GDA: variants seen among roughly 807,000 people sequenced by gnomAD.
The protein encoded by GDA is guanine deaminase.
In GDA, 18 loss-of-function variants were observed where a neutral mutation model predicts 59.6. The observed-to-expected ratio is 0.30, with a 90% CI of 0.21 to 0.45. The LOEUF (loss-of-function observed/expected upper bound fraction) is 0.45. GDA is among the 20% of genes least tolerant of loss of function. The probability of loss-of-function intolerance (pLI) is 1.00; values close to 1 mark genes in which losing one functional copy is unlikely to be tolerated. For synonymous variants in GDA, 201 were observed against 201.1 expected (o/e 1.00, Z 0.00); for missense variants, 427 against 552.3 (o/e 0.77, Z 2.27).
chr9:72,140,175 G>T (rs1266585203), intron 1 of GDA, among the ~76,000 whole-genome samples: 1 of 152,218 alleles, frequency 6.6e-6, no homozygotes, highest in African/African-American at 2.4e-5. Flanking sequence ...TGTTGTTAGG[G>T]CTGGGCATAT....
At chr9:72,213,541 C>T (rs184393076) in intron 4 of GDA, among the ~76,000 whole-genome samples, 22 of 152,110 alleles carry the variant, frequency 1.4e-4, no homozygotes, top group South Asian at 1.0e-3. Context: ...CGGTGGCTCA[C>T]GCCTGTAATC....
intron 2 of GDA, among the ~76,000 whole-genome samples, chr9:72,196,423 G>T (rs1253936636): frequency 1.3e-5 from 2 of 151,078 alleles, no homozygotes; most frequent in African/African-American, 4.9e-5. Flanking sequence ...GGGGGCAGAG[G>T]TTGCAGTGAG....
rs556682201 is a variant in GDA at position 72,231,314 on chromosome 9, C to T, written c.988+133C>T. ...GTTTTGGGCCGGGCACGGTAGCTCA[C>T]GTCTGTAATCCCAGCACTTTGGGAG... On this transcript the variant is annotated intron_variant, in intron 10 of 13. Transcript: ENST00000358399. 2.1e-4 allele frequency: 124 copies of T among 577,804 alleles called. 1 individual carries two copies. In the South Asian group the frequency reaches 2.3e-3, roughly 11 times the overall value. The allele number at this position is 577,804 out of a possible 1,614,324, so 35.8% of individuals were successfully genotyped here.
At chr9:72,115,678 G>A (rs1825412575) in intron 1 of GDA, among the ~76,000 whole-genome samples, 1 of 152,180 alleles carries the variant, frequency 6.6e-6, no homozygotes, top group Non-Finnish European at 1.5e-5. Context: ...TATTGGTTAA[G>A]ATCCCTAACT....
At chr9:72,138,411 T>C (rs552947738) in intron 1 of GDA, among the ~76,000 whole-genome samples, 1 of 152,316 alleles carries the variant, frequency 6.6e-6, no homozygotes, top group African/African-American at 2.4e-5. Flanking sequence ...GCAGAACCGC[T>C]CTTAGTTGAA....
intron 1 of GDA, among the ~76,000 whole-genome samples, chr9:72,153,711 G>A (rs1409950176): frequency 1.3e-5 from 2 of 150,700 alleles, no homozygotes; most frequent in Non-Finnish European, 2.9e-5. Flanking sequence ...ACTGTCGCAA[G>A]GACAAAAAAC....
At position 72,142,090 on chromosome 9, in the gene GDA, A is replaced by G. The variant is rs1036271325; in HGVS notation, c.-100+27257A>G. On this transcript the variant is annotated intron_variant, in intron 1 of 13. Coordinates refer to the GDA transcript ENST00000545168. ...AGATAGGTTGCATGGGCTAAGTAAA[A>G]TGTTAGACCTGCATTTGATTTGAAT... 2.0e-5 allele frequency among the ~76,000 whole-genome samples: 3 copies of G among 152,178 alleles called. No individual in the cohort carries two copies. In the South Asian group the frequency reaches 6.2e-4, roughly 32 times the overall value.
intron 10 of GDA, among the ~76,000 whole-genome samples, chr9:72,235,323 A>G (rs866503231): frequency 1.4e-4 from 21 of 152,202 alleles, no homozygotes; most frequent in South Asian, 6.2e-4. Flanking sequence ...TTTTGGTTTT[A>G]TGCTTTCCTT....
chr9:72,143,665 C>T (rs1826522189), intron 1 of GDA, among the ~76,000 whole-genome samples: 1 of 152,130 alleles, frequency 6.6e-6, no homozygotes, highest in South Asian at 2.1e-4. Context: ...CTATAAAATT[C>T]AGGTAAAATG....
chr9:72,199,141 C>A (rs1485734572), intron 2 of GDA, among the ~76,000 whole-genome samples: 1 of 152,050 alleles, frequency 6.6e-6, no homozygotes, highest in Non-Finnish European at 1.5e-5. Flanking sequence ...GAGCCACCAA[C>A]AAATTGCAAG....
chr9:72,256,622 A>G (rs1478230821), downstream of GDA, among the ~76,000 whole-genome samples: 3 of 152,244 alleles, frequency 2.0e-5, no homozygotes, highest in Admixed American at 2.0e-4. Context: ...AGCATGAGCA[A>G]TAGCAGCTCA....
intron 10 of GDA, among the ~76,000 whole-genome samples, chr9:72,236,561 A>C (rs1839011672): frequency 6.6e-6 from 1 of 152,128 alleles, no homozygotes; most frequent in Non-Finnish European, 1.5e-5. Flanking sequence ...AGCAAAAACA[A>C]CAACAACAAA....
intron 10 of GDA, among the ~76,000 whole-genome samples, chr9:72,237,127 T>C (rs2131733287): frequency 6.6e-6 from 1 of 152,250 alleles, no homozygotes; most frequent in Admixed American, 6.5e-5. Context: ...CTGCTCCACC[T>C]GTCTGCCTCC....
intron 1 of GDA, among the ~76,000 whole-genome samples, chr9:72,174,396 A>G (rs776155024): frequency 1.3e-5 from 2 of 152,226 alleles, no homozygotes; most frequent in East Asian, 1.9e-4. Context: ...AGAATTTTAC[A>G]TATACTGTCT....
chr9:72,149,319 C>A, upstream of GDA: 1 of 532,144 alleles, frequency 1.9e-6, no homozygotes, highest in South Asian at 2.3e-5. Flanking sequence ...AGAAAGACCA[C>A]ACCCCACGGG....
chr9:72,210,276 G>C, intron 3 of GDA, among the ~76,000 whole-genome samples: 1 of 152,178 alleles, frequency 6.6e-6, no homozygotes, highest in African/African-American at 2.4e-5. Flanking sequence ...GTTTGCGAAG[G>C]AAAGGAGATA....
intron 1 of GDA, among the ~76,000 whole-genome samples, chr9:72,123,553 T>A (rs1825751620): frequency 6.8e-6 from 1 of 147,404 alleles, no homozygotes; most frequent in Admixed American, 7.0e-5. Context: ...AATGGCGTGA[T>A]CTCAGCTCAC....
At chr9:72,156,066 A>G (rs764281358) in intron 1 of GDA, among the ~76,000 whole-genome samples, 11 of 152,330 alleles carry the variant, frequency 7.2e-5, no homozygotes, top group Non-Finnish European at 1.2e-4. Flanking sequence ...AGCTATTTAG[A>G]TCAAGTTGAC....
chr9:72,210,480 A>G lies in GDA; in HGVS notation c.385-207A>G, dbSNP rs145538488. ...AAGCACAGAACTGTGTGAATCGAGAAAAAATCAGAAGTATCAGCTTCTCCT... is the reference window on the plus strand; with the variant it reads ...AAGCACAGAACTGTGTGAATCGAGAGAAAATCAGAAGTATCAGCTTCTCCT... On this transcript the variant is annotated intron_variant, in intron 3 of 13. Coordinates refer to ENST00000358399, the MANE Select transcript of GDA (RefSeq NM_004293.5). Among the ~76,000 whole-genome samples, 32 of 152,350 alleles carry G rather than the reference A, an allele frequency of 2.1e-4. 1 individual carries two copies. In the East Asian group the frequency reaches 6.0e-3, roughly 28 times the overall value.
Sources: gnomAD v4.1 joint callset for allele counts (sites outside exome capture counted in the v4.1 genomes callset) on GRCh38, gnomAD v4.1.1 for gene constraint, MANE v1.5 for transcripts, NCBI Gene and HGNC (gene_info 2026-07-23, HGNC 2026-07-21) for gene names.